BEST1: variants seen among roughly 807,000 people sequenced by gnomAD.
BEST1 encodes bestrophin-1.
In BEST1, 58 loss-of-function variants were observed where a neutral mutation model predicts 63.3. The observed-to-expected ratio is 0.92, with a 90% CI of 0.74 to 1.14. The LOEUF (loss-of-function observed/expected upper bound fraction) is 1.14. Among genes scored for constraint, BEST1 ranks in the 50% most tolerant of loss-of-function variants. The probability of loss-of-function intolerance (pLI) is 0.00; values close to 1 mark genes in which losing one functional copy is unlikely to be tolerated. For missense variants in BEST1, 671 were observed against 740.1 expected (o/e 0.91, Z 1.08); for synonymous variants, 283 against 291.6 (o/e 0.97, Z 0.30).
At chr11:61,959,280 G>A in intron 7 of BEST1, 1 of 607,896 alleles carries the variant, frequency 1.6e-6, no homozygotes, top group African/African-American at 1.8e-5. Context: ...GGGTGTTCAG[G>A]GAAGGACTGG....
intron 10 of BEST1, chr11:61,963,716 G>A: frequency 8.9e-7 from 1 of 1,127,012 alleles, no homozygotes. Context: ...AACATCTGTG[G>A]CCTGTTCAGC....
chr11:61,956,884 G>A lies in BEST1; in HGVS notation c.522G>A (p.Leu174=), dbSNP rs1302876995. Reference sequence around the variant, plus strand: ...CAGAACACAAGCAGTTGGAGAAACTGAGCCTACCACACAACATGTTCTGGG... The same window carrying A: ...CAGAACACAAGCAGTTGGAGAAACTAAGCCTACCACACAACATGTTCTGGG... The part of the protein sequence containing the change: ...TPAEHKQLEK[L]SLPHNMFWVP... Residue 174 remains leucine, a synonymous_variant, in exon 5 of 11, where the codon CTG becomes CTA. Transcript: ENST00000378043. 1 of 1,614,136 alleles carries A rather than the reference G, an allele frequency of 6.2e-7. No homozygotes were observed. The highest frequency in any genetic ancestry group is 8.5e-7 in the Non-Finnish European group (1 of 1,180,014).
intron 6 of BEST1, 71 bp downstream of exon 6, chr11:61,957,535 T>G (rs185387478): frequency 2.7e-5 from 40 of 1,460,322 alleles, no homozygotes; most frequent in Non-Finnish European, 7.7e-6. Flanking sequence ...GCAGCTGGGG[T>G]GGGAAGGGCT....
At chr11:61,957,972 TCAAACAAA>T (rs71046754) in intron 6 of BEST1, among the ~76,000 whole-genome samples, 166 bp from the exon 7 acceptor site, 35 of 149,726 alleles carry the variant, frequency 2.3e-4, no homozygotes, top group South Asian at 1.1e-3. Context: ...AGACTCTGTC[TCAAACAAA>T]CAAACAAACA....
rs771182808 is a variant in BEST1, at chr11:61,953,581, G to A, written c.153-1526G>A. Among the ~76,000 whole-genome samples, 11 of 152,268 alleles carry A rather than the reference G, an allele frequency of 7.2e-5. No individual in the cohort carries two copies. In the South Asian group the frequency reaches 1.0e-3, roughly 14 times the overall value. On this transcript the variant is annotated intron_variant, in intron 2 of 10. Coordinates refer to ENST00000378043, the MANE Select transcript of BEST1 (RefSeq NM_004183.4). Reference sequence around the variant, plus strand: ...AAAAATTAGCCGAGTGGGGTGGCACGCACCTGTAGTTCCAGCTACTCAGGA... The same window carrying A: ...AAAAATTAGCCGAGTGGGGTGGCACACACCTGTAGTTCCAGCTACTCAGGA...
intron 10 of BEST1, chr11:61,963,270 T>G: frequency 7.3e-7 from 1 of 1,372,286 alleles, no homozygotes; most frequent in East Asian, 2.6e-5. Flanking sequence ...CCCAAAACCA[T>G]GAGGTGGCAG....
Position 61,955,797 on chromosome 11 carries a change from G to A in BEST1, c.327G>A (p.Leu109=). 6.5e-7 allele frequency: 1 copy of A among 1,550,340 alleles called. No homozygotes were observed. Among genetic ancestry groups the A allele is most frequent in the Non-Finnish European group, 8.7e-7 (1 of 1,146,944 alleles). ...NLPWPDRLMS[L]VSGFVEGKDE... ...CGTGGCCCGACCGCCTCATGAGCCT[G>A]GTGTCGGGCTTCGTCGAAGGCAAGG... The change falls in exon 4 of 11, where the codon CTG becomes CTA. Residue 109 remains leucine (L), a synonymous_variant. Coordinates refer to ENST00000378043, the MANE Select transcript of BEST1 (RefSeq NM_004183.4).
downstream of BEST1, chr11:61,965,297 A>T (rs1050040842): frequency 7.9e-5 from 126 of 1,602,602 alleles, no homozygotes; most frequent in Non-Finnish European, 1.0e-4. Context: ...GGCAATTGCT[A>T]GTTTAAGTGA....
upstream of BEST1, chr11:61,950,067 G>A (rs1940499223): frequency 2.6e-5 from 4 of 152,766 alleles, no homozygotes; most frequent in Admixed American, 2.6e-4. Flanking sequence ...AAGGCCTCAG[G>A]GGTCAGAACA....
In BEST1 at chr11:61,962,479, A is replaced by C. The variant is rs148854184; in HGVS notation, c.1325A>C (p.Asn442Thr). The C allele has an allele frequency of 6.2e-7, 1 of 1,614,206 alleles. No homozygotes were observed. Among genetic ancestry groups the C allele is most frequent in the African/African-American group, 1.3e-5 (1 of 75,058 alleles). Residue 442 changes from asparagine to threonine, a missense_variant, in exon 10 of 11, where the codon AAC becomes ACC. Transcript: ENST00000378043. ...AKQNVRGQED[N>T]KAWKLKAVDA... ...CAGAACGTTAGGGGCCAGGAAGACA[A>C]CAAGGCCTGGAAGCTTAAGGCTGTG...
At chr11:61,961,345 C>G (rs1942046725) in intron 9 of BEST1, 1 of 152,200 alleles carries the variant, frequency 6.6e-6, no homozygotes, top group East Asian at 1.9e-4. Context: ...AAATATCCTA[C>G]TAGACTGCAA....
At chr11:61,958,378 A>C in intron 7 of BEST1, 80 bp downstream of exon 7, 1 of 1,607,616 alleles carries the variant, frequency 6.2e-7, no homozygotes, top group Non-Finnish European at 8.5e-7. Context: ...ACGAGGATGC[A>C]GTGTCAGGAA....
rs766348576 is a variant in BEST1, at chr11:61,962,976, C to A, written c.1739+83C>A. Reference sequence around the variant, plus strand: ...CCTTGCTCTGAGCCTACCCTTCCTCCACAATTTCCTAGGGTTCCATCACTG... The same window carrying A: ...CCTTGCTCTGAGCCTACCCTTCCTCAACAATTTCCTAGGGTTCCATCACTG... On this transcript the variant is annotated intron_variant, in intron 10 of 10. Transcript: ENST00000378043. The A allele has an allele frequency of 1.2e-5, 19 of 1,610,948 alleles. No individual in the cohort carries two copies. The South Asian group carries it at 2.1e-4, about 18-fold the overall frequency.
At chr11:61,957,186 T>C (rs1941467030) in intron 5 of BEST1, among the ~76,000 whole-genome samples, 188 bp downstream of exon 5, 1 of 152,176 alleles carries the variant, frequency 6.6e-6, no homozygotes, top group Admixed American at 6.5e-5. Context: ...CCCCTCCCTC[T>C]TCTCCAAGTC....
At chr11:61,956,707 G>C (rs1469604982) in intron 4 of BEST1, 137 bp from the exon 5 acceptor site, 5 of 972,076 alleles carry the variant, frequency 5.1e-6, no homozygotes, top group Non-Finnish European at 8.2e-6. Context: ...ACAGCACCTA[G>C]TAGGTGCTCA....
At chr11:61,956,667 T>G (rs945210610) in intron 4 of BEST1, among the ~76,000 whole-genome samples, 177 bp from the exon 5 acceptor site, 1 of 151,944 alleles carries the variant, frequency 6.6e-6, no homozygotes, top group African/African-American at 2.4e-5. Context: ...TGGAAATAAA[T>G]AAATACCCTG....
At chr11:61,963,633 C>T in intron 10 of BEST1, 1 of 1,048,236 alleles carries the variant, frequency 9.5e-7, no homozygotes, top group South Asian at 3.3e-5. Flanking sequence ...TCAGAACACG[C>T]AGCTATTATG....
Position 61,959,927 on chromosome 11 carries a change from C to A in BEST1, c.984C>A (p.Asp328Glu), listed in dbSNP as rs547017234. ...TGGCTGTGGATGAGATGCACCAGGA[C>A]CTGCCTCGGATGGAGCCGGACATGT... is the stretch of plus-strand genomic sequence containing the variant. ...SLLAVDEMHQ[D>E]LPRMEPDMYW... is the part of the protein sequence containing the mutation. Residue 328 changes from aspartate (D) to glutamate (E), a missense_variant, in exon 9 of 11, where the codon GAC (aspartate) becomes GAA (glutamate). Coordinates refer to ENST00000378043, the MANE Select transcript of BEST1 (RefSeq NM_004183.4). 1 of 1,613,638 alleles carries A rather than the reference C, an allele frequency of 6.2e-7. No individual in the cohort carries two copies. Among genetic ancestry groups the A allele is most frequent in the Non-Finnish European group, 8.5e-7 (1 of 1,179,846 alleles).
chr11:61,962,711 C>T lies in BEST1; in HGVS notation c.1557C>T (p.Ser519=), dbSNP rs1800008. 0.2 allele frequency: 325,427 copies of T among 1,614,032 alleles called. 36,061 individuals carry two copies. The highest frequency in any genetic ancestry group is 0.24 in the Middle Eastern group (1,485 of 6,062). Residue 519 remains serine, a synonymous_variant, in exon 10 of 11, where the codon AGC becomes AGT. Coordinates refer to ENST00000378043, the MANE Select transcript of BEST1 (RefSeq NM_004183.4). The part of the protein sequence containing the change: ...AKKSFELLSE[S]DGALMEHPEV... The stretch of plus-strand genomic sequence containing the variant: ...AAAGTTTTGAATTGCTCTCAGAGAG[C>T]GATGGGGCCTTGATGGAGCACCCAG...
Sources: allele counts gnomAD v4.1 joint callset (sites outside exome capture counted in the v4.1 genomes callset), GRCh38; gene constraint gnomAD v4.1.1; transcripts MANE v1.5; gene names NCBI Gene and HGNC (gene_info 2026-07-23, HGNC 2026-07-21).